RIMS2: variants seen among roughly 807,000 people sequenced by gnomAD.
RIMS2 encodes the protein regulating synaptic membrane exocytosis 2.
Under a neutral mutation model 174.4 loss-of-function variants are expected in RIMS2, and 59 were observed. The observed-to-expected ratio is 0.34, with a 90% confidence interval of 0.27 to 0.42. RIMS2 has a LOEUF of 0.42. RIMS2 is among the 10% of genes least tolerant of loss of function. The probability of loss-of-function intolerance (pLI) is 1.00; values close to 1 mark genes in which losing one functional copy is unlikely to be tolerated. For synonymous variants in RIMS2, 606 were observed against 572.5 expected (o/e 1.06, Z -0.84); for missense variants, 1,620 against 1,666.3 (o/e 0.97, Z 0.48).
chr8:104,237,483 T>G (rs1424981479), intron 19 of RIMS2, among the ~76,000 whole-genome samples: 2 of 152,146 alleles, frequency 1.3e-5, no homozygotes. Context: ...GGGTTAGTTT[T>G]GCTCACATTT....
At chr8:104,129,067 T>C (rs984253553) in intron 19 of RIMS2, among the ~76,000 whole-genome samples, 1 of 152,170 alleles carries the variant, frequency 6.6e-6, no homozygotes, top group Non-Finnish European at 1.5e-5. Flanking sequence ...CTAAATTGTT[T>C]ATATGAAGGG....
At chr8:103,651,296 A>G (rs1320678285) in intron 1 of RIMS2, among the ~76,000 whole-genome samples, 2 of 152,162 alleles carry the variant, frequency 1.3e-5, no homozygotes, top group East Asian at 1.9e-4. Context: ...GTCAGTTTCA[A>G]CGTGAGAACT....
chr8:103,652,214 A>G, intron 1 of RIMS2: 1 of 1,349,274 alleles, frequency 7.4e-7, no homozygotes, highest in Non-Finnish European at 9.8e-7. Flanking sequence ...GGGTCAAAGA[A>G]GAACACAAAC....
At chr8:103,925,233 A>G (rs2078534968) in intron 10 of RIMS2, among the ~76,000 whole-genome samples, 1 of 151,584 alleles carries the variant, frequency 6.6e-6, no homozygotes, top group Non-Finnish European at 1.5e-5. Flanking sequence ...CATTCACTTC[A>G]TGATCTGTGG....
At chr8:103,862,676 A>G (rs1310823548) in intron 3 of RIMS2, among the ~76,000 whole-genome samples, 1 of 151,974 alleles carries the variant, frequency 6.6e-6, no homozygotes, top group Admixed American at 6.6e-5. Flanking sequence ...CCTCGTAGAG[A>G]TCTTTCACCT....
chr8:103,501,331 T>G, intron 1 of RIMS2: 7 of 212,650 alleles, frequency 3.3e-5, no homozygotes, highest in Non-Finnish European at 4.7e-5. Context: ...CCTTTCCGGA[T>G]TTCCTCGCTG....
At chr8:103,869,844 A>T (rs547071318) in intron 3 of RIMS2, among the ~76,000 whole-genome samples, 58 of 152,248 alleles carry the variant, frequency 3.8e-4, no homozygotes, top group African/African-American at 1.4e-3. Flanking sequence ...AATCTTGGAG[A>T]TGGGATAAAC....
chr8:103,746,131 A>T, intron 2 of RIMS2, among the ~76,000 whole-genome samples: 1 of 152,288 alleles, frequency 6.6e-6, no homozygotes, highest in Non-Finnish European at 1.5e-5. Flanking sequence ...TGTGTATGGT[A>T]TGAGTTAGGG....
At chr8:103,814,224 A>C (rs546411752) in intron 3 of RIMS2, among the ~76,000 whole-genome samples, 78 of 152,210 alleles carry the variant, frequency 5.1e-4, no homozygotes, top group African/African-American at 1.9e-3. Flanking sequence ...ATAGAGGGGA[A>C]CAACAGACAC....
intron 1 of RIMS2, among the ~76,000 whole-genome samples, chr8:103,681,764 ACT>A (rs765150802): frequency 3.3e-5 from 5 of 151,992 alleles, no homozygotes; most frequent in Non-Finnish European, 5.9e-5. Flanking sequence ...GAGAAGAATA[ACT>A]CTTTTTTTTA....
intron 17 of RIMS2, among the ~76,000 whole-genome samples, chr8:104,008,061 CA>C (rs1324385954): frequency 6.6e-6 from 1 of 152,070 alleles, no homozygotes; most frequent in African/African-American, 2.4e-5. Context: ...CATACCTCAT[CA>C]GATATACTGA....
chr8:103,910,502 T>G, intron 5 of RIMS2: 1 of 1,595,644 alleles, frequency 6.3e-7, no homozygotes, highest in South Asian at 1.1e-5. Context: ...GCACAACCCT[T>G]AACGAGGAGC....
intron 15 of RIMS2, among the ~76,000 whole-genome samples, chr8:103,971,824 G>A (rs2092912211): frequency 6.6e-6 from 1 of 152,126 alleles, no homozygotes; most frequent in Non-Finnish European, 1.5e-5. Flanking sequence ...TCCCACCTTG[G>A]CCTCCCAAAG....
rs2098626484 is a variant in RIMS2 at position 103,803,179 on chromosome 8, A to G, written c.698+36642A>G. On this transcript the variant is annotated intron_variant, in intron 3 of 23. Transcript: ENST00000504942. ...GAGATTGGGTGGGGAATAAAGTTTT[A>G]TAAAAATAATTATTATAGTTCAAAT... 1.3e-5 allele frequency among the ~76,000 whole-genome samples: 2 copies of G among 152,156 alleles called. 1 individual carries two copies. Among genetic ancestry groups the G allele is most frequent in the South Asian group, 4.1e-4 (2 of 4,836 alleles).
At chr8:104,223,252 G>A in intron 19 of RIMS2, 1 of 493,810 alleles carries the variant, frequency 2.0e-6, no homozygotes, top group South Asian at 8.1e-5. Context: ...AGGTGCAGCC[G>A]CGCCGCCACC....
intron 3 of RIMS2, among the ~76,000 whole-genome samples, chr8:103,774,546 C>T (rs2098291167): frequency 6.6e-6 from 1 of 151,912 alleles, no homozygotes. Context: ...ATGGATAAAT[C>T]TCAAAATCAT....
intron 19 of RIMS2, among the ~76,000 whole-genome samples, chr8:104,073,043 T>C (rs1328939603): frequency 6.6e-6 from 1 of 152,176 alleles, no homozygotes; most frequent in African/African-American, 2.4e-5. Context: ...TTAGCAATAA[T>C]TTAAGGATCA....
chr8:103,896,110 G>T (rs1045661975), intron 4 of RIMS2, among the ~76,000 whole-genome samples: 1 of 151,412 alleles, frequency 6.6e-6, no homozygotes, highest in African/African-American at 2.4e-5. Context: ...CTTTTCTGAG[G>T]GTCTCTTATT....
In RIMS2 at chr8:103,918,491, A is replaced by C. The variant is rs1212827773; in HGVS notation, c.2083+4A>C. On this transcript the variant is annotated splice_donor_region_variant and intron_variant, in intron 9 of 23. Transcript: ENST00000504942. The stretch of plus-strand genomic sequence containing the variant: ...ACACATGCACAACTGGAGTCCAGTA[A>C]GTTTTATTTATGCTGGAAGAAAACG... 1 of 1,595,412 alleles carries C rather than the reference A, an allele frequency of 6.3e-7. No homozygotes were observed. The highest frequency in any genetic ancestry group is 8.6e-7 in the Non-Finnish European group (1 of 1,163,722).
Sources: gnomAD v4.1 joint callset for allele counts (sites outside exome capture counted in the v4.1 genomes callset) on GRCh38, gnomAD v4.1.1 for gene constraint, MANE v1.5 for transcripts, NCBI Gene and HGNC (gene_info 2026-07-23, HGNC 2026-07-21) for gene names.